PTPRT: variants seen among roughly 807,000 people sequenced by gnomAD.
PTPRT encodes the protein protein tyrosine phosphatase receptor type T.
PTPRT carries 56 observed loss-of-function variants against 176.8 expected under a neutral mutation model. The observed-to-expected ratio is 0.32, with a 90% CI of 0.26 to 0.40. The LOEUF (loss-of-function observed/expected upper bound fraction) is 0.40. Among genes scored for constraint, PTPRT ranks in the 10% least tolerant of loss-of-function variants. The pLI is 1.00. For missense variants in PTPRT, 1,540 were observed against 1,908.2 expected (o/e 0.81, Z 3.60); for synonymous variants, 783 against 739.0 (o/e 1.06, Z -0.96).
intron 1 of PTPRT, among the ~76,000 whole-genome samples, chr20:43,017,084 C>T (rs1443764020): frequency 6.6e-6 from 1 of 152,046 alleles, no homozygotes; most frequent in African/African-American, 2.4e-5. Flanking sequence ...CAAAAAAAAT[C>T]CCTGTTGAAC....
Position 42,633,027 on chromosome 20 carries a change from T to G in PTPRT, c.1153+44839A>C, listed in dbSNP as rs149813297. 4.0e-3 allele frequency among the ~76,000 whole-genome samples: 605 copies of G among 152,270 alleles called. 5 individuals are homozygous for G. The Middle Eastern group carries it at 0.041, about 10-fold the overall frequency. On this transcript the variant is annotated intron_variant, in intron 7 of 30. Transcript: ENST00000373187. ...CTCTGCCTCATGGAATAAGAGTGCT[T>G]TTTGAGAATGATTCCAATATCTATC...
In PTPRT at chr20:42,081,556, C is replaced by T. The variant is rs1224824363; in HGVS notation, c.4272+326G>A. ...ATAAATTAATTGGAATATAATTGGA[C>T]TGAATTGAAAACATACTTCACATTC... is the stretch of plus-strand genomic sequence containing the variant. On this transcript the variant is annotated intron_variant, in intron 30 of 30. Coordinates refer to ENST00000373187, the MANE Select transcript of PTPRT (RefSeq NM_007050.6). 3.6e-4 allele frequency among the ~76,000 whole-genome samples: 55 copies of T among 152,200 alleles called. 1 individual carries two copies. The highest frequency in any genetic ancestry group is 5.9e-5 in the Non-Finnish European group (4 of 68,034).
At chr20:42,063,159 TA>T in the PTPRT span, among the ~76,000 whole-genome samples, 1 of 152,212 alleles carries the variant, frequency 6.6e-6, no homozygotes, top group Non-Finnish European at 1.5e-5. Flanking sequence ...TCCTTTTTGT[TA>T]GAGTGTATAC....
intron 1 of PTPRT, among the ~76,000 whole-genome samples, chr20:42,951,359 T>C (rs1215917484): frequency 6.9e-6 from 1 of 145,712 alleles, no homozygotes; most frequent in African/African-American, 2.6e-5. Flanking sequence ...GATGGATAGA[T>C]GGACAGACAG....
chr20:42,304,355 C>G (rs182500129), intron 12 of PTPRT, among the ~76,000 whole-genome samples: 4 of 152,264 alleles, frequency 2.6e-5, no homozygotes, highest in Admixed American at 2.6e-4. Flanking sequence ...CCTCTATGCT[C>G]TATCCCACCT....
At chr20:43,003,913 G>T (rs914196553) in intron 1 of PTPRT, among the ~76,000 whole-genome samples, 1 of 152,108 alleles carries the variant, frequency 6.6e-6, no homozygotes, top group African/African-American at 2.4e-5. Context: ...CTAGCAAAAA[G>T]AATCCAACAC....
chr20:42,870,786 A>T (rs1275391391), intron 2 of PTPRT, among the ~76,000 whole-genome samples: 1 of 151,952 alleles, frequency 6.6e-6, no homozygotes, highest in Admixed American at 6.6e-5. Context: ...CCATTTTTAC[A>T]CTCTCACAAA....
intron 19 of PTPRT, among the ~76,000 whole-genome samples, chr20:42,121,162 C>T (rs75588338): frequency 9.2e-5 from 14 of 152,274 alleles, no homozygotes; most frequent in South Asian, 2.1e-4. Flanking sequence ...CAAGTTTCTG[C>T]GTCCCTTGTA....
intron 7 of PTPRT, among the ~76,000 whole-genome samples, chr20:42,559,118 G>A (rs2072908449): frequency 6.6e-6 from 1 of 152,180 alleles, no homozygotes; most frequent in Non-Finnish European, 1.5e-5. Context: ...GGGTGATTAT[G>A]CTGATGGAAT....
intron 12 of PTPRT, among the ~76,000 whole-genome samples, chr20:42,283,231 C>G (rs571811692): frequency 9.9e-5 from 15 of 152,168 alleles, no homozygotes; most frequent in Admixed American, 7.9e-4. Flanking sequence ...ATTCTCTGCC[C>G]GCTTTACTGG....
At chr20:42,535,659 G>A (rs1328195697) in intron 7 of PTPRT, among the ~76,000 whole-genome samples, 1 of 152,180 alleles carries the variant, frequency 6.6e-6, no homozygotes. Context: ...GGGCCTCATG[G>A]CCTCAGGGAG....
At chr20:42,676,275 C>T (rs756054192) in intron 7 of PTPRT, among the ~76,000 whole-genome samples, 33 of 152,198 alleles carry the variant, frequency 2.2e-4, no homozygotes, top group Non-Finnish European at 3.8e-4. Flanking sequence ...AATATGGCCC[C>T]TAGCCCCATT....
intron 1 of PTPRT, among the ~76,000 whole-genome samples, chr20:43,073,989 A>C (rs2011218957): frequency 6.6e-6 from 1 of 152,116 alleles, no homozygotes. Flanking sequence ...CCTGGGCTCA[A>C]GGGATCCTCT....
intron 9 of PTPRT, among the ~76,000 whole-genome samples, chr20:42,394,699 T>C (rs2058832853): frequency 6.6e-6 from 1 of 152,212 alleles, no homozygotes; most frequent in South Asian, 2.1e-4. Context: ...TATTTTACTA[T>C]TTGTTTAGCA....
chr20:42,108,573 AATT>A (rs1475494650), intron 23 of PTPRT, among the ~76,000 whole-genome samples: 1 of 152,250 alleles, frequency 6.6e-6, no homozygotes, highest in African/African-American at 2.4e-5. Context: ...TTTATTGAGA[AATT>A]ATTACTATTA....
chr20:42,849,490 T>C (rs1028550303), intron 2 of PTPRT, among the ~76,000 whole-genome samples: 1 of 152,188 alleles, frequency 6.6e-6, no homozygotes, highest in Non-Finnish European at 1.5e-5. Context: ...TGGTTTCTTT[T>C]TCCCAAGAGG....
chr20:42,398,511 G>A (rs2058873393), intron 9 of PTPRT, among the ~76,000 whole-genome samples: 2 of 152,154 alleles, frequency 1.3e-5, no homozygotes, highest in Admixed American at 6.6e-5. Flanking sequence ...TATTTGAGAT[G>A]TGAAAATGAT....
At chr20:43,182,798 G>A (rs996008829) in intron 1 of PTPRT, among the ~76,000 whole-genome samples, 8 of 151,980 alleles carry the variant, frequency 5.3e-5, no homozygotes, top group Non-Finnish European at 1.0e-4. Context: ...AGCTGGTGCT[G>A]AGCTGTTTTC....
chr20:42,823,070 A>G (rs896254691), intron 2 of PTPRT, among the ~76,000 whole-genome samples: 1 of 152,232 alleles, frequency 6.6e-6, no homozygotes, highest in African/African-American at 2.4e-5. Flanking sequence ...TCATTCTACT[A>G]TAAAGACACA....
Sources: gnomAD v4.1 joint callset for allele counts (sites outside exome capture counted in the v4.1 genomes callset) on GRCh38, gnomAD v4.1.1 for gene constraint, MANE v1.5 for transcripts, NCBI Gene and HGNC (gene_info 2026-07-23, HGNC 2026-07-21) for gene names.